Variants in MGAT5 observed in about 807,000 individuals in gnomAD.
MGAT5 encodes alpha-1,6-mannosylglycoprotein 6-beta-N-acetylglucosaminyltransferase A.
A neutral mutation model predicts 94.3 loss-of-function variants in MGAT5; 30 were observed. The ratio of observed to expected loss-of-function variants is 0.32; its 90% CI spans 0.24 to 0.43. The LOEUF (loss-of-function observed/expected upper bound fraction) is 0.43, where lower values mean the gene tolerates loss of function less well. Among genes scored for constraint, MGAT5 ranks in the 20% least tolerant of loss-of-function variants. The probability of loss-of-function intolerance (pLI) is 1.00; values close to 1 mark genes in which losing one functional copy is unlikely to be tolerated. For missense variants in MGAT5, 691 were observed against 905.5 expected (o/e 0.76, Z 3.04); for synonymous variants, 310 against 322.9 (o/e 0.96, Z 0.43).
At chr2:134,262,906 G>A (rs1683428635) in intron 1 of MGAT5, among the ~76,000 whole-genome samples, 2 of 152,176 alleles carry the variant, frequency 1.3e-5, no homozygotes, top group Admixed American at 1.3e-4. Flanking sequence ...TTTCAGAAGA[G>A]GTCAGGCTTG....
chr2:134,253,594 A>G (rs542630551), upstream of MGAT5, among the ~76,000 whole-genome samples: 1 of 152,176 alleles, frequency 6.6e-6, no homozygotes, highest in Non-Finnish European at 1.5e-5. Flanking sequence ...CATGCAAGTG[A>G]GCAGTGAGGT....
At chr2:134,393,898 A>C (rs1212883993) in intron 10 of MGAT5, among the ~76,000 whole-genome samples, 1 of 147,524 alleles carries the variant, frequency 6.8e-6, no homozygotes, top group Non-Finnish European at 1.5e-5. Flanking sequence ...GGAGAAGCAC[A>C]TGCATATTGA....
chr2:134,235,312 G>T (rs1035566765), intron 1 of MGAT5, among the ~76,000 whole-genome samples: 1 of 152,148 alleles, frequency 6.6e-6, no homozygotes, highest in African/African-American at 2.4e-5. Flanking sequence ...GCACCTTAGA[G>T]TCTCTTGGGA....
intron 1 of MGAT5, among the ~76,000 whole-genome samples, chr2:134,137,273 G>A (rs1456011750): frequency 6.6e-6 from 1 of 152,218 alleles, no homozygotes; most frequent in East Asian, 1.9e-4. Flanking sequence ...TGGACAGAGG[G>A]GCATCCCCTA....
intron 1 of MGAT5, among the ~76,000 whole-genome samples, chr2:134,240,689 G>A (rs1283348737): frequency 6.6e-6 from 1 of 152,190 alleles, no homozygotes; most frequent in Non-Finnish European, 1.5e-5. Flanking sequence ...TATTTTCCCT[G>A]TAGTCAAAAG....
At chr2:134,441,699 G>T (rs1215492660) in intron 14 of MGAT5, 59 bp from the exon 15 acceptor site, 5 of 1,562,634 alleles carry the variant, frequency 3.2e-6, no homozygotes, top group Non-Finnish European at 4.4e-6. Flanking sequence ...GGTTGGCAGG[G>T]CTGGGGATCC....
chr2:134,357,729 A>C (rs896965422), intron 9 of MGAT5, among the ~76,000 whole-genome samples: 1 of 152,022 alleles, frequency 6.6e-6, no homozygotes, highest in African/African-American at 2.4e-5. Flanking sequence ...TTCCCTCTTA[A>C]ATTGCTTTTT....
At chr2:134,250,340 C>A (rs1415840859), upstream of MGAT5, among the ~76,000 whole-genome samples, 1 of 152,220 alleles carries the variant, frequency 6.6e-6, no homozygotes, top group Non-Finnish European at 1.5e-5. Flanking sequence ...CATTGGATGA[C>A]TTAGCTAGAG....
intron 2 of MGAT5, among the ~76,000 whole-genome samples, chr2:134,290,344 A>G (rs1172660593): frequency 6.6e-6 from 1 of 152,224 alleles, no homozygotes; most frequent in Admixed American, 6.5e-5. Context: ...AGAGCCACTC[A>G]GCTCTTTGTG....
intron 2 of MGAT5, among the ~76,000 whole-genome samples, chr2:134,298,681 G>A (rs140367950): frequency 6.6e-6 from 1 of 152,096 alleles, no homozygotes; most frequent in Non-Finnish European, 1.5e-5. Flanking sequence ...GATGGTTTGG[G>A]TGGTCTCCTG....
intron 2 of MGAT5, among the ~76,000 whole-genome samples, chr2:134,305,295 G>A (rs1232358161): frequency 2.6e-5 from 4 of 152,154 alleles, no homozygotes; most frequent in African/African-American, 7.2e-5. Context: ...GAGAATAGTC[G>A]AAGCACTTCC....
rs374914892 is a variant in MGAT5 at position 134,237,148 on chromosome 2, T to TGTGTGTGTGTGTGTGTGTGTGC, written c.-142-17113_-142-17112insTGTGTGTGTGTGTGTGTGTGCG. 1.9e-4 allele frequency among the ~76,000 whole-genome samples: 27 copies of TGTGTGTGTGTGTGTGTGTGTGC among 140,832 alleles called. No homozygotes were observed. In the East Asian group the frequency reaches 5.4e-3, roughly 28 times the overall value. 92.4% of individuals were successfully genotyped at this position (140,832 alleles called of 152,430 possible). A position where few individuals can be genotyped will look rare whatever the true frequency, so the allele number is the denominator to read the frequency against. Reference sequence around the variant, plus strand: ...ATGTGTGTGTGTGTGTGTGTGTGTGTGCGCGTGTGTGTGAATTTTTACCCT... The same window carrying TGTGTGTGTGTGTGTGTGTGTGC: ...ATGTGTGTGTGTGTGTGTGTGTGTGTGTGTGTGTGTGTGTGTGTGTGCGCGCGTGTGTGTGAATTTTTACCCT... On this transcript the variant is annotated intron_variant, in intron 1 of 16. Coordinates refer to the MGAT5 transcript ENST00000409645.
At chr2:134,387,334 T>A (rs866445609) in intron 10 of MGAT5, among the ~76,000 whole-genome samples, 111 of 27,898 alleles carry the variant, frequency 4.0e-3, no homozygotes, top group African/African-American at 9.2e-3. Context: ...ATATATATAT[T>A]TTTTTTTTTT....
chr2:134,378,540 AC>A (rs1489163710), intron 10 of MGAT5, among the ~76,000 whole-genome samples: 4 of 151,904 alleles, frequency 2.6e-5, no homozygotes, highest in Non-Finnish European at 5.9e-5. Context: ...TGGACATTTA[AC>A]TAATCTAAGT....
chr2:134,171,928 TG>T (rs1226860556), intron 1 of MGAT5, among the ~76,000 whole-genome samples: 1 of 152,192 alleles, frequency 6.6e-6, no homozygotes, highest in Non-Finnish European at 1.5e-5. Flanking sequence ...TTTGGCACTC[TG>T]GTCCCAAAGA....
Position 134,363,581 on chromosome 2 carries a change from G to A in MGAT5, c.1380+1173G>A, listed in dbSNP as rs150166195. On this transcript the variant is annotated intron_variant, in intron 10 of 15. Coordinates refer to ENST00000281923, the MANE Select transcript of MGAT5 (RefSeq NM_002410.5). ...GTCTGGAGACAATTTTGGTTGTGAT[G>A]TCTGGTCAGTGGTGCTACAAGCATG... Among the ~76,000 whole-genome samples, 273 of 152,344 alleles carry A rather than the reference G, an allele frequency of 1.8e-3. 3 individuals carry two copies. Among genetic ancestry groups the A allele is most frequent in the East Asian group, 0.018 (92 of 5,186 alleles).
rs1558847367 is a variant in MGAT5 at position 134,387,314 on chromosome 2, ATATATATATATATATATATTTT to A, written c.1381-15672_1381-15651del. ...AAAGTTATGTATGATATATATATAT[ATATATATATATATATATATTTT>A]TTTTTTTTTTTTTTTTTACCAAACC... On this transcript the variant is annotated intron_variant, in intron 10 of 15. Transcript: ENST00000281923. Among the ~76,000 whole-genome samples the A allele has an allele frequency of 6.8e-5, 3 of 43,842 alleles. 1 individual carries two copies. The highest frequency in any genetic ancestry group is 2.8e-4 in the African/African-American group (3 of 10,588). The allele number at this position is 43,842 out of a possible 152,430, so 28.8% of individuals were successfully genotyped here.
chr2:134,334,496 C>CTTTTTTTTTTT lies in MGAT5; in HGVS notation c.574-1708_574-1698dup, dbSNP rs59933611. 5.6e-4 allele frequency among the ~76,000 whole-genome samples: 19 copies of CTTTTTTTTTTT among 34,112 alleles called. 4 individuals carry two copies. The highest frequency in any genetic ancestry group is 3.2e-3 in the East Asian group (3 of 938). 22.4% of individuals were successfully genotyped at this position (34,112 alleles called of 152,430 possible). A position where few individuals can be genotyped will look rare whatever the true frequency, so the allele number is the denominator to read the frequency against. ...CAAATCTCTACTTTCCTTGCTCATC[C>CTTTTTTTTTTT]TTTTTTTTTTTTTTTTTTTTTTTGC... On this transcript the variant is annotated intron_variant, in intron 4 of 15. Coordinates refer to ENST00000281923, the MANE Select transcript of MGAT5 (RefSeq NM_002410.5).
chr2:134,397,373 C>A (rs1351136761), intron 10 of MGAT5, among the ~76,000 whole-genome samples: 1 of 152,152 alleles, frequency 6.6e-6, no homozygotes, highest in Non-Finnish European at 1.5e-5. Context: ...GACGGTGTGT[C>A]TGACCATGCT....
Sources: allele counts gnomAD v4.1 joint callset (sites outside exome capture counted in the v4.1 genomes callset), GRCh38; gene constraint gnomAD v4.1.1; transcripts MANE v1.5; gene names NCBI Gene and HGNC (gene_info 2026-07-23, HGNC 2026-07-21).